The following DTNB variants were observed in gnomAD, a reference collection of about 807,000 sequenced individuals.
DTNB encodes DTN-B.
A neutral mutation model predicts 90.7 loss-of-function variants in DTNB; 63 were observed. That is an observed-to-expected ratio of 0.69 (90% CI 0.57 to 0.86). The LOEUF is 0.86. Among genes scored for constraint, DTNB ranks in the 40% least tolerant of loss-of-function variants. DTNB has a pLI of 0.00. For missense variants in DTNB, 744 were observed against 807.1 expected (o/e 0.92, Z 0.95); for synonymous variants, 277 against 286.7 (o/e 0.97, Z 0.34).
At chr2:25,455,545 G>A (rs543272165) in intron 10 of DTNB, 51 bp from the exon 11 acceptor site, 93 of 1,457,096 alleles carry the variant, frequency 6.4e-5, no homozygotes, top group Non-Finnish European at 8.2e-5. Context: ...CACATACAGA[G>A]GGAGAAATGA....
intron 2 of DTNB, 62 bp downstream of exon 2, chr2:25,652,532 T>TAAAAAAAA (rs137982132): frequency 2.4e-6 from 3 of 1,272,464 alleles, no homozygotes; most frequent in Non-Finnish European, 3.1e-6. Flanking sequence ...TGACTTGATC[T>TAAAAAAAA]AAAAAAAAAA....
At chr2:25,384,532 T>C (rs1310199823) in intron 18 of DTNB, among the ~76,000 whole-genome samples, 1 of 152,100 alleles carries the variant, frequency 6.6e-6, no homozygotes, top group East Asian at 1.9e-4. Context: ...GGCCACATCC[T>C]GGTATGGTCA....
intron 8 of DTNB, among the ~76,000 whole-genome samples, chr2:25,569,149 A>C (rs1483236389): frequency 6.6e-6 from 1 of 152,086 alleles, no homozygotes; most frequent in Non-Finnish European, 1.5e-5. Context: ...CACATCCTCC[A>C]ACCCTGGTAT....
chr2:25,509,955 TG>T (rs2073565762), intron 9 of DTNB, among the ~76,000 whole-genome samples: 1 of 151,996 alleles, frequency 6.6e-6, no homozygotes, highest in Non-Finnish European at 1.5e-5. Context: ...TTCACCATGT[TG>T]GCCAGCCTGG....
At chr2:25,491,543 A>G (rs1268244213) in intron 9 of DTNB, among the ~76,000 whole-genome samples, 5 of 152,172 alleles carry the variant, frequency 3.3e-5, no homozygotes, top group Non-Finnish European at 4.4e-5. Context: ...TATTATATTT[A>G]GATGTGGTGA....
intron 16 of DTNB, among the ~76,000 whole-genome samples, chr2:25,400,181 C>T (rs545200302): frequency 1.2e-4 from 19 of 152,288 alleles, no homozygotes; most frequent in African/African-American, 4.3e-4. Context: ...GAGTGTGTGG[C>T]GCACATGCAG....
chr2:25,670,355 C>A (rs372299002), intron 1 of DTNB, among the ~76,000 whole-genome samples: 15 of 151,710 alleles, frequency 9.9e-5, no homozygotes, highest in African/African-American at 3.6e-4. Context: ...GTCAAGGGGG[C>A]CTTTATTCTG....
chr2:25,507,668 T>C lies in DTNB; in HGVS notation c.1001+23805A>G, dbSNP rs138825142. 1.8e-4 allele frequency among the ~76,000 whole-genome samples: 27 copies of C among 152,348 alleles called. No homozygotes were observed. In the East Asian group the frequency reaches 4.4e-3, roughly 25 times the overall value. On this transcript the variant is annotated intron_variant, in intron 9 of 20. Coordinates refer to ENST00000406818, the MANE Select transcript of DTNB (RefSeq NM_021907.5). The stretch of plus-strand genomic sequence containing the variant: ...AAAAGCTGACTCCTTCCTTCCATCC[T>C]GACTCTGCTTTAGTCTATTCTCTAC...
chr2:25,387,396 A>G lies in DTNB; in HGVS notation c.1736-18T>C, dbSNP rs980785362. ...CCTCGTACCTGAGGAGAGGCAGAGC[A>G]GATGGGGATGCCAGGGTGGGTGAGC... On this transcript the variant is annotated intron_variant, in intron 17 of 20. Transcript: ENST00000406818. The surrounding 1 kb of genome is among the most constrained non-coding windows in gnomAD (Gnocchi z 4.5). 6.2e-7 allele frequency: 1 copy of G among 1,607,218 alleles called. No homozygotes were observed. The highest frequency in any genetic ancestry group is 8.5e-7 in the Non-Finnish European group (1 of 1,175,062).
At position 25,387,835 on chromosome 2, in the gene DTNB, T is replaced by G. The variant is rs943704743; in HGVS notation, c.1735+367A>C. ...ATGACTGTGACAATGGCGTGCATAC[T>G]GTGCTTTCAGCACGGTCCCAGTTAC... On this transcript the variant is annotated intron_variant, in intron 17 of 20. Transcript: ENST00000406818. The surrounding 1 kb of genome is among the most constrained non-coding windows in gnomAD (Gnocchi z 4.5). 1.3e-5 allele frequency among the ~76,000 whole-genome samples: 2 copies of G among 152,274 alleles called. No homozygotes were observed. The highest frequency in any genetic ancestry group is 2.9e-5 in the Non-Finnish European group (2 of 68,048).
chr2:25,515,112 G>C (rs1341976701), intron 9 of DTNB, among the ~76,000 whole-genome samples: 2 of 152,038 alleles, frequency 1.3e-5, no homozygotes, highest in African/African-American at 4.8e-5. Flanking sequence ...GAAGATGACT[G>C]TGCCCTATAC....
intron 16 of DTNB, among the ~76,000 whole-genome samples, chr2:25,397,604 G>A (rs1176772617): frequency 6.6e-6 from 1 of 152,044 alleles, no homozygotes; most frequent in Non-Finnish European, 1.5e-5. Context: ...AATGGGCCGG[G>A]CCCGGTGGCT....
At chr2:25,612,871 A>G (rs2069015542) in intron 4 of DTNB, among the ~76,000 whole-genome samples, 1 of 152,198 alleles carries the variant, frequency 6.6e-6, no homozygotes, top group Admixed American at 6.5e-5. Flanking sequence ...AGCTCACTCA[A>G]GAGAAACAGA....
chr2:25,510,728 G>A (rs999639401), intron 9 of DTNB, among the ~76,000 whole-genome samples: 8 of 152,124 alleles, frequency 5.3e-5, no homozygotes, highest in African/African-American at 1.7e-4. Flanking sequence ...GGCTGGTCTC[G>A]AACTCCTGAC....
intron 15 of DTNB, among the ~76,000 whole-genome samples, chr2:25,425,675 C>T (rs1305342023): frequency 1.3e-5 from 2 of 152,216 alleles, no homozygotes; most frequent in East Asian, 3.8e-4. Flanking sequence ...TGGGGGCACT[C>T]CACACTTTGT....
chr2:25,653,989 T>C lies in DTNB; in HGVS notation c.-1-1328A>G, dbSNP rs748479237. Among the ~76,000 whole-genome samples, 291 of 152,244 alleles carry C rather than the reference T, an allele frequency of 1.9e-3. 5 individuals carry two copies. The highest frequency in any genetic ancestry group is 2.0e-3 in the Non-Finnish European group (135 of 68,014). On this transcript the variant is annotated intron_variant, in intron 1 of 20. Transcript: ENST00000406818. ...TCTACTACAGATCATTTTTCTCCTT[T>C]TTTCCCCTCATCCTTCCACATGTAT...
chr2:25,638,870 T>C, intron 3 of DTNB, 144 bp downstream of exon 3: 1 of 739,092 alleles, frequency 1.4e-6, no homozygotes. Context: ...TGACAAGTTC[T>C]TCCATTACAA....
chr2:25,465,862 A>T (rs549679325), intron 10 of DTNB, among the ~76,000 whole-genome samples: 1 of 152,300 alleles, frequency 6.6e-6, no homozygotes, highest in African/African-American at 2.4e-5. Context: ...TTATATTATA[A>T]AACAATATTT....
At chr2:25,608,019 G>A (rs534520066) in intron 4 of DTNB, among the ~76,000 whole-genome samples, 5 of 152,258 alleles carry the variant, frequency 3.3e-5, no homozygotes, top group Middle Eastern at 3.4e-3. Context: ...CAATATCACC[G>A]AGGCCCCTGA....
Sources: gnomAD v4.1 joint callset for allele counts (sites outside exome capture counted in the v4.1 genomes callset) on GRCh38, gnomAD v4.1.1 for gene constraint, Gnocchi (gnomAD v3.1) non-coding constraint, MANE v1.5 for transcripts, NCBI Gene and HGNC (gene_info 2026-07-23, HGNC 2026-07-21) for gene names.